SLC36A1: variants seen among roughly 807,000 people sequenced by gnomAD.
The protein encoded by SLC36A1 is solute carrier family 36 member 1, also known as proton-coupled amino acid transporter 1.
In SLC36A1, 30 loss-of-function variants were observed where a neutral mutation model predicts 47.5. The ratio of observed to expected loss-of-function variants is 0.63; its 90% CI spans 0.47 to 0.86. SLC36A1 has a LOEUF of 0.86. Among genes scored for constraint, SLC36A1 ranks in the 40% least tolerant of loss-of-function variants. The pLI, the probability that SLC36A1 is intolerant of heterozygous loss-of-function variation, is 0.00. For missense variants in SLC36A1, 517 were observed against 606.0 expected, an observed-to-expected ratio of 0.85 and a Z score of 1.54; for synonymous variants, 255 against 249.7, an observed-to-expected ratio of 1.02 and a Z score of -0.20.
At chr5:151,366,471 CA>C in the SLC36A1 span, 3 of 280,290 alleles carry the variant, frequency 1.1e-5, no homozygotes, top group Non-Finnish European at 1.4e-5. Context: ...AGGTCCCCAC[CA>C]AAAATCCCAC....
the SLC36A1 span, among the ~76,000 whole-genome samples, chr5:151,515,780 C>T: frequency 6.6e-6 from 1 of 152,234 alleles, no homozygotes; most frequent in Non-Finnish European, 1.5e-5. Context: ...GGCCTCCTGA[C>T]TGGGTCTCTC....
upstream of SLC36A1, among the ~76,000 whole-genome samples, chr5:151,432,804 CA>C (rs1039187811): frequency 1.3e-5 from 2 of 152,112 alleles, no homozygotes; most frequent in East Asian, 3.9e-4. Context: ...GAAGTAGAAG[CA>C]AAAAGCAGTC....
chr5:151,445,993 T>C (rs78835685), upstream of SLC36A1, among the ~76,000 whole-genome samples: 15 of 152,246 alleles, frequency 9.9e-5, no homozygotes, highest in East Asian at 1.3e-3. Context: ...TTCTGCTCTT[T>C]CTTTTCTTCT....
At chr5:151,374,832 T>C in the SLC36A1 span, among the ~76,000 whole-genome samples, 8 of 152,332 alleles carry the variant, frequency 5.3e-5, no homozygotes, top group African/African-American at 1.9e-4. Context: ...TGATTAGTGA[T>C]GTTGAACATT....
chr5:151,510,199 G>A, the SLC36A1 span: 2 of 1,613,216 alleles, frequency 1.2e-6, no homozygotes, highest in East Asian at 2.2e-5. Context: ...AGGGAGGTGA[G>A]AGACCGCACT....
chr5:151,531,779 A>G, the SLC36A1 span: 5 of 1,612,510 alleles, frequency 3.1e-6, no homozygotes, highest in Non-Finnish European at 4.2e-6. This position sits in a 1 kb window ranked among gnomAD's most constrained non-coding sequence, Gnocchi z 5.7. Context: ...CCCACCACCG[A>G]GACTGTGACG....
At chr5:151,534,666 TG>T in the SLC36A1 span, 1 of 1,591,276 alleles carries the variant, frequency 6.3e-7, no homozygotes, top group Non-Finnish European at 8.6e-7. Flanking sequence ...TGACAAAAGT[TG>T]AGCTTTCTCT....
chr5:151,552,214 G>A, the SLC36A1 span, among the ~76,000 whole-genome samples: 82 of 152,146 alleles, frequency 5.4e-4, no homozygotes, highest in South Asian at 1.2e-3. Context: ...CCTTGGACTC[G>A]GCCTCAAGTG....
the SLC36A1 span, chr5:151,537,716 G>GGAGA: frequency 7.1e-7 from 1 of 1,412,460 alleles, no homozygotes; most frequent in Non-Finnish European, 9.6e-7. Context: ...TCTTCTCCAA[G>GGAGA]GAGAATACCA....
chr5:151,440,957 C>T (rs1056811472), intron 1 of SLC36A1, among the ~76,000 whole-genome samples: 4 of 152,222 alleles, frequency 2.6e-5, no homozygotes, highest in Non-Finnish European at 4.4e-5. Flanking sequence ...AGTGGTTCTA[C>T]AGCACGAGAG....
At chr5:151,363,478 A>G in the SLC36A1 span, among the ~76,000 whole-genome samples, 1 of 151,918 alleles carries the variant, frequency 6.6e-6, no homozygotes, top group African/African-American at 2.4e-5. Context: ...CTGGGATATC[A>G]CTGGTGATAC....
the SLC36A1 span, among the ~76,000 whole-genome samples, chr5:151,372,522 C>T: frequency 9.9e-5 from 15 of 152,114 alleles, no homozygotes; most frequent in Middle Eastern, 6.8e-3. Context: ...CAATGCACTG[C>T]GTCCTGGAAC....
At chr5:151,366,078 A>G in the SLC36A1 span, among the ~76,000 whole-genome samples, 1 of 152,212 alleles carries the variant, frequency 6.6e-6, no homozygotes, top group Non-Finnish European at 1.5e-5. Flanking sequence ...AGCTTTTAAA[A>G]ATGTATGTGT....
chr5:151,364,477 C>G, the SLC36A1 span, among the ~76,000 whole-genome samples: 2 of 152,146 alleles, frequency 1.3e-5, no homozygotes, highest in Admixed American at 6.5e-5. Context: ...ACATCCTCAT[C>G]AAATCTTGGT....
chr5:151,534,295 T>C, the SLC36A1 span: 2 of 715,686 alleles, frequency 2.8e-6, no homozygotes, highest in Non-Finnish European at 4.6e-6. Context: ...GTCCCCAGAC[T>C]CAACAAGGAG....
the SLC36A1 span, among the ~76,000 whole-genome samples, chr5:151,403,459 C>T: frequency 0.59 from 88,912 of 151,866 alleles, 28,634 homozygotes; most frequent in African/African-American, 0.87. Flanking sequence ...CATTTAAAAG[C>T]GTGTGGCACC....
chr5:151,347,328 A>C, the SLC36A1 span: 1 of 1,614,108 alleles, frequency 6.2e-7, no homozygotes, highest in Non-Finnish European at 8.5e-7. Flanking sequence ...AAGCCTGCTG[A>C]CTCTGAAGGA....
At chr5:151,455,267 T>C (rs762920216) in intron 1 of SLC36A1, among the ~76,000 whole-genome samples, 4 of 152,096 alleles carry the variant, frequency 2.6e-5, no homozygotes, top group Non-Finnish European at 5.9e-5. Context: ...TAGAATTGTG[T>C]TGGTTTATTT....
At chr5:151,458,356 T>TATATATATATACAC (rs796511045) in intron 1 of SLC36A1, among the ~76,000 whole-genome samples, 1 of 129,742 alleles carries the variant, frequency 7.7e-6, no homozygotes, top group African/African-American at 3.5e-5. Context: ...TATATATATA[T>TATATATATATACAC]ACACACACGA....
Sources: gnomAD v4.1 joint callset for allele counts (sites outside exome capture counted in the v4.1 genomes callset) on GRCh38, gnomAD v4.1.1 for gene constraint, Gnocchi (gnomAD v3.1) non-coding constraint, MANE v1.5 for transcripts, NCBI Gene and HGNC (gene_info 2026-07-23, HGNC 2026-07-21) for gene names.